The following ZNF407 variants were observed in gnomAD, a reference collection of about 807,000 sequenced individuals.
ZNF407 encodes the protein zinc finger protein 407.
Under a neutral mutation model 131.2 loss-of-function variants are expected in ZNF407, and 17 were observed. The ratio of observed to expected loss-of-function variants is 0.13; its 90% CI spans 0.09 to 0.19. The LOEUF (loss-of-function observed/expected upper bound fraction) is 0.19. Ranked by LOEUF, ZNF407 falls within the 10% of genes least tolerant of loss-of-function variation. ZNF407 has a pLI of 1.00. For synonymous variants in ZNF407, 1,156 were observed against 1,062.0 expected, an observed-to-expected ratio of 1.09 and a Z score of -1.72; for missense variants, 2,681 against 2,830.6, an observed-to-expected ratio of 0.95 and a Z score of 1.20.
intron 8 of ZNF407, among the ~76,000 whole-genome samples, chr18:74,934,427 G>A (rs1972016077): frequency 6.6e-6 from 1 of 152,168 alleles, no homozygotes; most frequent in Non-Finnish European, 1.5e-5. Flanking sequence ...TGTTGGCCAG[G>A]AATAGATTTG....
At chr18:74,766,905 A>T (rs774549506) in intron 3 of ZNF407, among the ~76,000 whole-genome samples, 2 of 152,034 alleles carry the variant, frequency 1.3e-5, no homozygotes, top group Admixed American at 6.6e-5. Flanking sequence ...TTATTTTTTT[A>T]AATTTCTTCT....
At chr18:74,919,104 G>T (rs1008955262) in intron 7 of ZNF407, among the ~76,000 whole-genome samples, 5 of 152,120 alleles carry the variant, frequency 3.3e-5, no homozygotes, top group African/African-American at 1.2e-4. Context: ...TCTGTCTGGG[G>T]AATACCTTTC....
chr18:74,813,176 G>T (rs760139110), intron 4 of ZNF407, among the ~76,000 whole-genome samples: 1 of 152,150 alleles, frequency 6.6e-6, no homozygotes, highest in African/African-American at 2.4e-5. Flanking sequence ...ATTGTGCTGC[G>T]CTGGCTTGCA....
chr18:74,781,584 CTT>C (rs532051847), intron 4 of ZNF407, 82 bp downstream of exon 4: 1 of 1,052,938 alleles, frequency 9.5e-7, no homozygotes, highest in Non-Finnish European at 1.3e-6. Context: ...GACTTCTAGA[CTT>C]TTTTTTCACA....
chr18:74,834,483 T>C (rs1254144272), intron 4 of ZNF407, among the ~76,000 whole-genome samples: 1 of 152,274 alleles, frequency 6.6e-6, no homozygotes, highest in Non-Finnish European at 1.5e-5. Flanking sequence ...AGAGCTTTGC[T>C]GTCTAGCCTT....
At chr18:74,726,075 A>G (rs1968150997) in intron 3 of ZNF407, among the ~76,000 whole-genome samples, 1 of 152,216 alleles carries the variant, frequency 6.6e-6, no homozygotes, top group Non-Finnish European at 1.5e-5. Flanking sequence ...TAATGGTAAT[A>G]TACTACATAT....
At chr18:74,801,084 A>T (rs561514001) in intron 4 of ZNF407, among the ~76,000 whole-genome samples, 44 of 152,134 alleles carry the variant, frequency 2.9e-4, no homozygotes, top group Non-Finnish European at 3.5e-4. Context: ...CCATACTCTT[A>T]GTGATATTCT....
intron 3 of ZNF407, among the ~76,000 whole-genome samples, chr18:74,655,923 C>A (rs567977126): frequency 2.6e-5 from 4 of 152,206 alleles, no homozygotes; most frequent in Admixed American, 2.6e-4. Flanking sequence ...TGGCTGGCTA[C>A]AACTGCTTAT....
At chr18:74,698,210 A>G (rs939044954) in intron 3 of ZNF407, among the ~76,000 whole-genome samples, 2 of 152,206 alleles carry the variant, frequency 1.3e-5, no homozygotes, top group Non-Finnish European at 2.9e-5. Context: ...ACTTTCTACA[A>G]ATGAATATTA....
chr18:74,677,854 C>T (rs1027727743), intron 3 of ZNF407, among the ~76,000 whole-genome samples: 1 of 152,068 alleles, frequency 6.6e-6, no homozygotes, highest in South Asian at 2.1e-4. Context: ...CGGAGTTTCT[C>T]TCTGTTGCCT....
At chr18:74,811,715 T>C (rs540296592) in intron 4 of ZNF407, among the ~76,000 whole-genome samples, 15 of 152,128 alleles carry the variant, frequency 9.9e-5, no homozygotes, top group African/African-American at 3.6e-4. Context: ...TGAGTTCATG[T>C]CCTTTGTAGG....
Position 75,064,385 on chromosome 18 carries a change from G to T in ZNF407, c.6664G>T (p.Val2222Leu). 6.4e-7 allele frequency: 1 copy of T among 1,569,174 alleles called. No homozygotes were observed. Among genetic ancestry groups the T allele is most frequent in the Admixed American group, 1.8e-5 (1 of 54,158 alleles). Residue 2222 changes from valine (V) to leucine (L), a missense_variant, in exon 9 of 9, where the codon GTG (valine) becomes TTG (leucine). By Grantham distance (32) the Val-to-Leu change is conservative. Transcript: ENST00000299687. ...APSRAEQLAS[V>L]VIYTQEGSSA... The stretch of plus-strand genomic sequence containing the variant: ...AAGCAGGGCAGAGCAGCTGGCCAGC[G>T]TGGTCATCTACACCCAGGAGGGCTC...
chr18:74,798,378 G>A (rs79958821), intron 4 of ZNF407, among the ~76,000 whole-genome samples: 1 of 151,988 alleles, frequency 6.6e-6, no homozygotes, highest in Non-Finnish European at 1.5e-5. Context: ...TGAAAAAAAG[G>A]AAGGCAAGGA....
In ZNF407 at chr18:74,809,608, G is replaced by A. The variant is rs191477630; in HGVS notation, c.4877+28106G>A. On this transcript the variant is annotated intron_variant, in intron 4 of 8. Transcript: ENST00000299687. ...AAAGGCAGTTGTGAGTTAAATAGGT[G>A]GTTAAGAAGAACTGGCGTATGGTTA... is the stretch of plus-strand genomic sequence containing the variant. Among the ~76,000 whole-genome samples the A allele has an allele frequency of 2.3e-3, 353 of 152,272 alleles. 3 individuals carry two copies. The highest frequency in any genetic ancestry group is 8.1e-3 in the African/African-American group (336 of 41,554).
chr18:74,645,021 GTCTC>G lies in ZNF407; in HGVS notation c.4802+3905_4802+3908del, dbSNP rs557016902. Among the ~76,000 whole-genome samples the G allele has an allele frequency of 4.4e-3, 668 of 151,722 alleles. 2 individuals are homozygous for G. The highest frequency in any genetic ancestry group is 7.9e-3 in the Non-Finnish European group (535 of 67,806). On this transcript the variant is annotated intron_variant, in intron 3 of 8. Transcript: ENST00000299687. ...TGCTTTACTTTCATATTCTGATATTGTCTCTCTCTGTCTCTCCCCAATACTTTCC... is the reference window on the plus strand; with the variant it reads ...TGCTTTACTTTCATATTCTGATATTGTCTCTGTCTCTCCCCAATACTTTCC...
At chr18:74,724,250 T>C (rs2144878702) in intron 3 of ZNF407, among the ~76,000 whole-genome samples, 1 of 152,366 alleles carries the variant, frequency 6.6e-6, no homozygotes, top group African/African-American at 2.4e-5. Context: ...TATAGTTTGA[T>C]GTTTAAATAC....
intron 8 of ZNF407, among the ~76,000 whole-genome samples, chr18:74,977,442 T>A (rs558753759): frequency 6.6e-6 from 1 of 152,350 alleles, no homozygotes; most frequent in East Asian, 1.9e-4. Flanking sequence ...TCCATGTGAG[T>A]TTCCTTCTTG....
intron 5 of ZNF407, among the ~76,000 whole-genome samples, chr18:74,880,364 A>T (rs924395358): frequency 2.0e-5 from 3 of 152,258 alleles, no homozygotes; most frequent in Admixed American, 6.5e-5. Context: ...CAGAGCTGTC[A>T]TTAAAGATGA....
intron 4 of ZNF407, among the ~76,000 whole-genome samples, chr18:74,782,892 C>T (rs1051548396): frequency 2.6e-5 from 4 of 152,098 alleles, no homozygotes; most frequent in Non-Finnish European, 5.9e-5. Context: ...CTTGAGCGAC[C>T]GTGCCCGGCC....
Sources: gnomAD v4.1 joint callset for allele counts (sites outside exome capture counted in the v4.1 genomes callset) on GRCh38, gnomAD v4.1.1 for gene constraint, MANE v1.5 for transcripts, NCBI Gene and HGNC (gene_info 2026-07-23, HGNC 2026-07-21) for gene names.